RGS3: variants seen among roughly 807,000 people sequenced by gnomAD.
RGS3 encodes the protein regulator of G protein signaling 3.
In RGS3, 80 loss-of-function variants were observed where a neutral mutation model predicts 132.6. The observed-to-expected ratio is 0.60, with a 90% CI of 0.50 to 0.73. The LOEUF (loss-of-function observed/expected upper bound fraction) is 0.73, where lower values mean the gene tolerates loss of function less well. Ranked by LOEUF, RGS3 falls within the 30% of genes least tolerant of loss-of-function variation. The pLI is 0.00. For synonymous variants in RGS3, 598 were observed against 620.6 expected (o/e 0.96, Z 0.54); for missense variants, 1,382 against 1,530.8 (o/e 0.90, Z 1.62).
intron 18 of RGS3, among the ~76,000 whole-genome samples, chr9:113,530,379 A>G (rs1402562936): frequency 2.0e-5 from 3 of 152,254 alleles, no homozygotes; most frequent in Non-Finnish European, 4.4e-5. Flanking sequence ...GCTGCCTGAA[A>G]TACAGACCTG....
intron 10 of RGS3, among the ~76,000 whole-genome samples, chr9:113,498,652 C>T (rs530931205): frequency 7.9e-5 from 12 of 152,272 alleles, no homozygotes; most frequent in African/African-American, 2.9e-4. Flanking sequence ...TGGTGGCCCA[C>T]GCTTGTGATC....
chr9:113,448,308 ACCTGGCTTCTCTCCCC>A (rs1192265858), intron 1 of RGS3, among the ~76,000 whole-genome samples: 1 of 151,994 alleles, frequency 6.6e-6, no homozygotes, highest in African/African-American at 2.4e-5. Flanking sequence ...CAGGGCTATG[ACCTGGCTTCTCTCCCC>A]CCAGCCCCAT....
chr9:113,589,562 A>G (rs539184085), intron 20 of RGS3, among the ~76,000 whole-genome samples: 1 of 152,252 alleles, frequency 6.6e-6, no homozygotes, highest in Admixed American at 6.5e-5. Flanking sequence ...CCCCAGGCCC[A>G]TTGTGTGGAG....
intron 17 of RGS3, among the ~76,000 whole-genome samples, chr9:113,523,756 A>G (rs1004074297): frequency 2.0e-5 from 3 of 152,178 alleles, no homozygotes; most frequent in Non-Finnish European, 4.4e-5. Flanking sequence ...CCAGATCATG[A>G]AAACAACAGA....
intron 20 of RGS3, among the ~76,000 whole-genome samples, chr9:113,586,876 A>C (rs898318102): frequency 5.9e-5 from 9 of 152,190 alleles, no homozygotes; most frequent in Admixed American, 2.0e-4. Flanking sequence ...GGGAAAATTA[A>C]ATAGCTTAAC....
At chr9:113,483,452 A>C (rs1190435361) in intron 5 of RGS3, among the ~76,000 whole-genome samples, 1 of 152,126 alleles carries the variant, frequency 6.6e-6, no homozygotes, top group African/African-American at 2.4e-5. Context: ...TTTCCCCCCA[A>C]ACTAGGGGCA....
At chr9:113,455,484 G>A (rs896281551), upstream of RGS3, among the ~76,000 whole-genome samples, 1 of 152,156 alleles carries the variant, frequency 6.6e-6, no homozygotes, top group Non-Finnish European at 1.5e-5. Flanking sequence ...TGCTTTTCTG[G>A]CTCTTATCAA....
intron 19 of RGS3, among the ~76,000 whole-genome samples, chr9:113,569,684 G>GT (rs1834197524): frequency 7.2e-6 from 1 of 139,632 alleles, no homozygotes; most frequent in Non-Finnish European, 1.5e-5. Context: ...TGTGTGCCAT[G>GT]TACTTACAAA....
intron 1 of RGS3, among the ~76,000 whole-genome samples, chr9:113,448,064 C>T (rs1321983550): frequency 6.6e-6 from 1 of 151,856 alleles, no homozygotes; most frequent in Non-Finnish European, 1.5e-5. Flanking sequence ...TGTCATGTTG[C>T]CCAGGCTGAT....
At chr9:113,456,809 T>A (rs909974089), upstream of RGS3, among the ~76,000 whole-genome samples, 2 of 151,596 alleles carry the variant, frequency 1.3e-5, no homozygotes, top group African/African-American at 4.8e-5. Context: ...ATTTATTTAT[T>A]TTTTTTTTGA....
At chr9:113,553,077 A>G (rs1030646887) in intron 19 of RGS3, among the ~76,000 whole-genome samples, 2 of 152,098 alleles carry the variant, frequency 1.3e-5, no homozygotes, top group African/African-American at 4.8e-5. Flanking sequence ...CCCCATGCAC[A>G]TATGTAGACA....
At chr9:113,512,521 T>A (rs1314120067) in intron 14 of RGS3, among the ~76,000 whole-genome samples, 1 of 152,118 alleles carries the variant, frequency 6.6e-6, no homozygotes. Context: ...TTTTCTTACC[T>A]TGCTTGGTGA....
At chr9:113,595,137 G>C (rs1835696250) in intron 23 of RGS3, 157 bp downstream of exon 21, 3 of 687,826 alleles carry the variant, frequency 4.4e-6, no homozygotes, top group Non-Finnish European at 7.5e-6. Flanking sequence ...CCAAGCTGAG[G>C]CCCTTGGTCT....
At chr9:113,465,407 A>G (rs1463282779) in intron 3 of RGS3, among the ~76,000 whole-genome samples, 1 of 151,100 alleles carries the variant, frequency 6.6e-6, no homozygotes, top group African/African-American at 2.4e-5. Context: ...TTTCTGATTT[A>G]TATCCTCCCA....
At chr9:113,495,583 G>A (rs1830653917) in intron 7 of RGS3, among the ~76,000 whole-genome samples, 1 of 152,196 alleles carries the variant, frequency 6.6e-6, no homozygotes, top group Non-Finnish European at 1.5e-5. Context: ...CCAACTCTGA[G>A]TCTCCATTTT....
In RGS3 at chr9:113,484,233, G is replaced by C; in HGVS notation, c.620+1G>C. The C allele has an allele frequency of 1.4e-6, 2 of 1,462,448 alleles. No individual in the cohort carries two copies. The highest frequency in any genetic ancestry group is 1.8e-6 in the Non-Finnish European group (2 of 1,081,226). The allele number at this position is 1,462,448 out of a possible 1,614,324, so 90.6% of individuals were successfully genotyped here. On this transcript the variant is annotated splice_donor_variant, in intron 6 of 24. Coordinates refer to ENST00000350696, the Ensembl canonical transcript of RGS3. LOFTEE classifies it high-confidence loss of function. ...CGGCTTTCCACGAGCACTTCTTCTT[G>C]TAAGAGTCTGGTGCAGCTGGGCCCT...
chr9:113,485,593 C>G (rs1459516844), intron 6 of RGS3, 32 bp from the exon 5 acceptor site: 7 of 1,565,566 alleles, frequency 4.5e-6, no homozygotes, highest in Non-Finnish European at 6.1e-6. Context: ...TCAGCCCTTA[C>G]TAACACTCCG....
intron 19 of RGS3, chr9:113,541,979 C>A: frequency 1.8e-6 from 1 of 546,468 alleles, no homozygotes; most frequent in Non-Finnish European, 2.3e-6. Context: ...AGATTTCAGT[C>A]TAGCTGGGAG....
intron 17 of RGS3, among the ~76,000 whole-genome samples, chr9:113,526,932 C>A (rs2119431000): frequency 6.6e-6 from 1 of 152,330 alleles, no homozygotes; most frequent in East Asian, 1.9e-4. Context: ...TCTCCTGGGT[C>A]AGCCCCTTGC....
Sources: gnomAD v4.1 joint callset for allele counts (sites outside exome capture counted in the v4.1 genomes callset) on GRCh38, gnomAD v4.1.1 for gene constraint, MANE v1.5 for transcripts, NCBI Gene and HGNC (gene_info 2026-07-23, HGNC 2026-07-21) for gene names.